The following PTPRG variants were observed in gnomAD, a reference collection of about 807,000 sequenced individuals.
The protein encoded by PTPRG is protein tyrosine phosphatase receptor type G, also known as receptor-type tyrosine-protein phosphatase gamma.
Under a neutral mutation model 165.3 loss-of-function variants are expected in PTPRG, and 102 were observed. The observed-to-expected ratio is 0.62, with a 90% CI of 0.53 to 0.73. The LOEUF is 0.73. Among genes scored for constraint, PTPRG ranks in the 30% least tolerant of loss-of-function variants. The pLI, the probability that PTPRG is intolerant of heterozygous loss-of-function variation, is 0.00. For synonymous variants in PTPRG, 675 were observed against 669.5 expected (o/e 1.01, Z -0.13); for missense variants, 1,866 against 1,861.4 (o/e 1.00, Z -0.05).
intron 8 of PTPRG, among the ~76,000 whole-genome samples, chr3:62,191,146 G>A (rs113610674): frequency 1.7e-4 from 26 of 151,048 alleles, no homozygotes; most frequent in African/African-American, 4.4e-4. Flanking sequence ...TCTGTGTCCC[G>A]TGCACGTGTG....
chr3:62,265,847 T>TAC (rs3046596), intron 17 of PTPRG, among the ~76,000 whole-genome samples: 22,351 of 126,506 alleles, frequency 0.18, 1,747 homozygotes, highest in South Asian at 0.26. Context: ...CATACATACA[T>TAC]ACACACACAC....
At chr3:62,080,149 C>T (rs930739153) in intron 5 of PTPRG, among the ~76,000 whole-genome samples, 2 of 149,730 alleles carry the variant, frequency 1.3e-5, no homozygotes, top group Non-Finnish European at 3.0e-5. Context: ...CTCACCACAA[C>T]CTCCGCCTCC....
chr3:61,973,965 C>G (rs910912976), intron 2 of PTPRG, among the ~76,000 whole-genome samples: 1 of 151,908 alleles, frequency 6.6e-6, no homozygotes, highest in Non-Finnish European at 1.5e-5. Context: ...TGTACATAGA[C>G]TACTGTCAGA....
At chr3:61,701,284 CA>C (rs1430967316) in intron 1 of PTPRG, among the ~76,000 whole-genome samples, 1 of 152,152 alleles carries the variant, frequency 6.6e-6, no homozygotes, top group East Asian at 1.9e-4. Flanking sequence ...ATACTTCTCA[CA>C]TTTGCACCCA....
In PTPRG at chr3:62,295,542, A is replaced by G. The variant is rs763232789; in HGVS notation, c.*2235A>G. ...TAGAGGGCTCAATTCGTAGAAAGGC[A>G]TACCCTCCAATGCAATTCTGTGGCT... is the stretch of plus-strand genomic sequence containing the variant. On this transcript the variant is annotated 3_prime_UTR_variant, in exon 30 of 30. Transcript: ENST00000474889. 3.9e-5 allele frequency: 6 copies of G among 152,106 alleles called. No homozygotes were observed. Among genetic ancestry groups the G allele is most frequent in the Non-Finnish European group, 7.4e-5 (5 of 68,000 alleles). 9.4% of individuals were successfully genotyped at this position (152,106 alleles called of 1,614,324 possible).
At chr3:62,120,107 T>C (rs922304578) in intron 5 of PTPRG, among the ~76,000 whole-genome samples, 3 of 152,174 alleles carry the variant, frequency 2.0e-5, no homozygotes, top group Non-Finnish European at 2.9e-5. Flanking sequence ...TTGGGTTTTT[T>C]TTTAAGCTGG....
At chr3:61,960,984 AAAATAGGG>A (rs2040140781) in intron 2 of PTPRG, among the ~76,000 whole-genome samples, 2 of 152,160 alleles carry the variant, frequency 1.3e-5, no homozygotes, top group South Asian at 4.1e-4. Context: ...CTTCATTTGT[AAAATAGGG>A]ATAAAAATGT....
At chr3:61,766,753 A>G (rs190261980) in intron 2 of PTPRG, among the ~76,000 whole-genome samples, 1 of 151,844 alleles carries the variant, frequency 6.6e-6, no homozygotes, top group Non-Finnish European at 1.5e-5. Flanking sequence ...AGTAGCTGGG[A>G]TTGCAGGCAT....
In PTPRG at chr3:62,065,600, A is replaced by T. The variant is rs184050932; in HGVS notation, c.520-12563A>T. 2.4e-3 allele frequency among the ~76,000 whole-genome samples: 370 copies of T among 152,298 alleles called. 1 individual carries two copies. The highest frequency in any genetic ancestry group is 2.9e-3 in the Non-Finnish European group (199 of 68,028). ...GGATACTGAATAATAATAATAATAA[A>T]AAATCCCGGTGGAGCAATGCAACGT... is the stretch of plus-strand genomic sequence containing the variant. On this transcript the variant is annotated intron_variant, in intron 4 of 29. Coordinates refer to ENST00000474889, the MANE Select transcript of PTPRG (RefSeq NM_002841.4).
chr3:61,822,611 G>A (rs1467709048), intron 2 of PTPRG, among the ~76,000 whole-genome samples: 1 of 152,204 alleles, frequency 6.6e-6, no homozygotes, highest in African/African-American at 2.4e-5. Context: ...TTGAAGGAAA[G>A]GAGCTACATC....
chr3:62,019,486 G>T (rs2041631268), intron 4 of PTPRG, among the ~76,000 whole-genome samples: 2 of 123,602 alleles, frequency 1.6e-5, no homozygotes. Context: ...TTGTGCCACT[G>T]TACTCCAGCC....
chr3:61,760,857 T>C (rs561964674), intron 2 of PTPRG, among the ~76,000 whole-genome samples: 1 of 152,352 alleles, frequency 6.6e-6, no homozygotes, highest in South Asian at 2.1e-4. Context: ...TTTGGTTTTC[T>C]GTTCCTGCAT....
chr3:61,951,750 C>T (rs763942111), intron 2 of PTPRG, among the ~76,000 whole-genome samples: 6 of 152,194 alleles, frequency 3.9e-5, no homozygotes, highest in Admixed American at 6.6e-5. Context: ...TGCTCTGTTG[C>T]TGATGGGGTT....
At position 62,026,150 on chromosome 3, in the gene PTPRG, T is replaced by C. The variant is rs187798526; in HGVS notation, c.519+22653T>C. ...AGCATCACTGCATAAATAGCCATAATGGAATTGATTTCTTAGGCTGAAGCA... is the reference window on the plus strand; with the variant it reads ...AGCATCACTGCATAAATAGCCATAACGGAATTGATTTCTTAGGCTGAAGCA... On this transcript the variant is annotated intron_variant, in intron 4 of 29. Coordinates refer to ENST00000474889, the MANE Select transcript of PTPRG (RefSeq NM_002841.4). 1.2e-3 allele frequency among the ~76,000 whole-genome samples: 186 copies of C among 152,342 alleles called. 1 individual carries two copies. Among genetic ancestry groups the C allele is most frequent in the African/African-American group, 4.2e-3 (176 of 41,582 alleles).
chr3:62,243,204 AAAAC>A (rs1440495326), intron 14 of PTPRG, among the ~76,000 whole-genome samples: 7 of 152,004 alleles, frequency 4.6e-5, no homozygotes, highest in Middle Eastern at 3.4e-3. Flanking sequence ...ACAGGTAAAA[AAAAC>A]AAACAAGCAG....
At chr3:61,793,293 G>T (rs577665234) in intron 2 of PTPRG, among the ~76,000 whole-genome samples, 8 of 152,300 alleles carry the variant, frequency 5.3e-5, no homozygotes, top group African/African-American at 1.9e-4. Flanking sequence ...GGTGTACCTA[G>T]CCAAAGTGGT....
At chr3:61,830,134 A>G (rs1185548353) in intron 2 of PTPRG, among the ~76,000 whole-genome samples, 2 of 152,172 alleles carry the variant, frequency 1.3e-5, no homozygotes, top group African/African-American at 4.8e-5. Context: ...TCACTGAAAA[A>G]TGCATTTAAA....
Position 61,749,465 on chromosome 3 carries a change from CGA to C in PTPRG, c.190+484_190+485del, listed in dbSNP as rs371038349. On this transcript the variant is annotated intron_variant, in intron 2 of 29. Transcript: ENST00000474889. ...TTTGAATATATTTTAGCTGTCTACT[CGA>C]TGGTAATCTGCAGTCCTTTTCATTT... 5.3e-4 allele frequency: 132 copies of C among 247,646 alleles called. 1 individual carries two copies. Among genetic ancestry groups the C allele is most frequent in the African/African-American group, 3.0e-3 (127 of 42,294 alleles). The allele number at this position is 247,646 out of a possible 1,614,324, so 15.3% of individuals were successfully genotyped here. A position where few individuals can be genotyped will look rare whatever the true frequency, so the allele number is the denominator to read the frequency against.
Position 62,219,774 on chromosome 3 carries a change from G to T in PTPRG, c.2288+791G>T, listed in dbSNP as rs1202008742. ...TCACTCAATTTTGAGCCCACACTTT[G>T]TGCCAGTCTTCTAGACACAAATGAT... is the stretch of plus-strand genomic sequence containing the variant. On this transcript the variant is annotated intron_variant, in intron 13 of 29. Transcript: ENST00000474889. This position sits in a 1 kb window ranked among gnomAD's most constrained non-coding sequence, Gnocchi z 4.5. Among the ~76,000 whole-genome samples, 1 of 152,210 alleles carries T rather than the reference G, an allele frequency of 6.6e-6. No homozygotes were observed. Among genetic ancestry groups the T allele is most frequent in the Non-Finnish European group, 1.5e-5 (1 of 68,036 alleles).
Sources: allele counts gnomAD v4.1 joint callset (sites outside exome capture counted in the v4.1 genomes callset), GRCh38; gene constraint gnomAD v4.1.1; non-coding constraint Gnocchi (gnomAD v3.1); transcripts MANE v1.5; gene names NCBI Gene and HGNC (gene_info 2026-07-23, HGNC 2026-07-21).